RAB40B: variants seen among roughly 807,000 people sequenced by gnomAD.
The protein encoded by RAB40B is ras-related protein Rab-40B.
RAB40B carries 21 observed loss-of-function variants against 24.0 expected under a neutral mutation model. The ratio of observed to expected loss-of-function variants is 0.88; its 90% CI spans 0.62 to 1.26. The LOEUF is 1.26. Among genes scored for constraint, RAB40B ranks in the 50% most tolerant of loss-of-function variants. The pLI is 0.00. For missense variants in RAB40B, 348 were observed against 390.5 expected, an observed-to-expected ratio of 0.89 and a Z score of 0.92; for synonymous variants, 167 against 169.8, an observed-to-expected ratio of 0.98 and a Z score of 0.13.
intron 3 of RAB40B, 55 bp from the exon 4 acceptor site, chr17:82,659,712 G>T: frequency 7.1e-7 from 1 of 1,416,940 alleles, no homozygotes; most frequent in Non-Finnish European, 1.0e-6. Flanking sequence ...GCACAGCTGT[G>T]GCCATGCACG....
intron 1 of RAB40B, among the ~76,000 whole-genome samples, chr17:82,690,629 A>T (rs1198385692): frequency 7.3e-6 from 1 of 137,130 alleles, no homozygotes; most frequent in African/African-American, 2.8e-5. Flanking sequence ...TGGAGGGAGC[A>T]TGGAGTGTGC....
In RAB40B at chr17:82,675,392, C is replaced by T. The variant is rs534030437; in HGVS notation, c.143-10836G>A. Among the ~76,000 whole-genome samples the T allele has an allele frequency of 1.3e-5, 2 of 152,308 alleles. No individual in the cohort carries two copies. The highest frequency in any genetic ancestry group is 3.9e-4 in the East Asian group (2 of 5,190). On this transcript the variant is annotated intron_variant, in intron 1 of 5. Coordinates refer to ENST00000571995, the MANE Select transcript of RAB40B (RefSeq NM_006822.3). This position sits in a 1 kb window ranked among gnomAD's most constrained non-coding sequence, Gnocchi z 4.5. ...GCCGCCTGTCTGACGTGGTCTCCAC[C>T]AAGCGCTGGCTTCCTTCACAGCAGC...
chr17:82,675,096 C>A lies in RAB40B; in HGVS notation c.143-10540G>T, dbSNP rs1338501428. Among the ~76,000 whole-genome samples the A allele has an allele frequency of 6.6e-6, 1 of 152,274 alleles. No individual in the cohort carries two copies. The highest frequency in any genetic ancestry group is 6.5e-5 in the Admixed American group (1 of 15,298). ...AGAGAGAGAGAGAAAACATCTGACA[C>A]CCCCTAAACTGGGAAAAGCTACAAA... On this transcript the variant is annotated intron_variant, in intron 1 of 5. Transcript: ENST00000571995. The surrounding 1 kb of genome is among the most constrained non-coding windows in gnomAD (Gnocchi z 4.5).
chr17:82,698,101 TCGGGAGGAGC>T (rs1435189684), intron 1 of RAB40B, among the ~76,000 whole-genome samples: 3 of 151,108 alleles, frequency 2.0e-5, no homozygotes, highest in African/African-American at 7.3e-5. Context: ...CGGCCCCAGG[TCGGGAGGAGC>T]CCAGCGCCCG....
chr17:82,661,746 A>G (rs2143455987), intron 2 of RAB40B: 1 of 214,996 alleles, frequency 4.7e-6, no homozygotes, highest in South Asian at 1.7e-4. Context: ...AATTAGCTGG[A>G]CATGGTGGTG....
Position 82,657,441 on chromosome 17 carries a change from A to G in RAB40B, c.*422T>C. The G allele has an allele frequency of 3.0e-6, 1 of 328,752 alleles. No individual in the cohort carries two copies. The highest frequency in any genetic ancestry group is 5.9e-6 in the Non-Finnish European group (1 of 170,232). 20.4% of individuals were successfully genotyped at this position (328,752 alleles called of 1,614,324 possible). The stretch of plus-strand genomic sequence containing the variant: ...CTTTGACATTGAAAAGGAGGTTTAC[A>G]AAAAGACCCCTCTCGTAATATCAGT... On this transcript the variant is annotated 3_prime_UTR_variant, in exon 6 of 6. Transcript: ENST00000571995.
chr17:82,659,579 C>G lies in RAB40B; in HGVS notation c.342+1G>C. On this transcript the variant is annotated splice_donor_variant, in intron 4 of 5. Coordinates refer to ENST00000571995, the MANE Select transcript of RAB40B (RefSeq NM_006822.3). LOFTEE classifies it high-confidence loss of function. ...TGGGCAGTGGCATTTCTACAACATA[C>G]CTCATCGATCTCCTTAATCCATCGA... 6.2e-7 allele frequency: 1 copy of G among 1,614,084 alleles called. No individual in the cohort carries two copies. Among genetic ancestry groups the G allele is most frequent in the Non-Finnish European group, 8.5e-7 (1 of 1,179,950 alleles).
chr17:82,670,879 C>T (rs1040329005), intron 1 of RAB40B, among the ~76,000 whole-genome samples: 1 of 152,006 alleles, frequency 6.6e-6, no homozygotes, highest in Non-Finnish European at 1.5e-5. Flanking sequence ...AACCATCTTT[C>T]GTTTCTGTTT....
intron 2 of RAB40B, among the ~76,000 whole-genome samples, chr17:82,661,726 A>G (rs2046174926): frequency 6.6e-6 from 1 of 152,106 alleles, no homozygotes; most frequent in Non-Finnish European, 1.5e-5. Context: ...GTCTCTACTA[A>G]AAATACAAAA....
Position 82,657,807 on chromosome 17 carries a change from G to C in RAB40B, c.*56C>G, listed in dbSNP as rs765475581. 6.3e-7 allele frequency: 1 copy of C among 1,594,400 alleles called. No homozygotes were observed. Among genetic ancestry groups the C allele is most frequent in the Non-Finnish European group, 8.6e-7 (1 of 1,162,574 alleles). On this transcript the variant is annotated 3_prime_UTR_variant, in exon 6 of 6. Coordinates refer to ENST00000571995, the MANE Select transcript of RAB40B (RefSeq NM_006822.3). ...CTGAGATGCATCCACCAGCTGCCGG[G>C]GGTAACGCCGAGCTTCTCCTGGAGA... is the stretch of plus-strand genomic sequence containing the variant.
intron 1 of RAB40B, chr17:82,665,043 A>G (rs1568032920): frequency 6.1e-6 from 1 of 162,840 alleles, no homozygotes; most frequent in Non-Finnish European, 1.4e-5. Flanking sequence ...AGGAAAGTAC[A>G]GTAAAGACAG....
At position 82,657,829 on chromosome 17, in the gene RAB40B, G is replaced by A. The variant is rs1218279261; in HGVS notation, c.*34C>T. ...CGGGGGTAACGCCGAGCTTCTCCTG[G>A]AGAGATTCCGCCGTGTTTCTTTCAG... On this transcript the variant is annotated 3_prime_UTR_variant, in exon 6 of 6. Transcript: ENST00000571995. The A allele has an allele frequency of 1.2e-6, 2 of 1,608,538 alleles. No homozygotes were observed. The highest frequency in any genetic ancestry group is 3.4e-5 in the Admixed American group (2 of 59,684).
chr17:82,693,620 T>C (rs557857673), intron 1 of RAB40B, among the ~76,000 whole-genome samples: 83 of 152,190 alleles, frequency 5.5e-4, no homozygotes, highest in African/African-American at 2.0e-3. Flanking sequence ...GAACAAACCA[T>C]AATAGTCAGA....
At chr17:82,678,283 A>T (rs1221598096) in intron 1 of RAB40B, among the ~76,000 whole-genome samples, 1 of 152,222 alleles carries the variant, frequency 6.6e-6, no homozygotes, top group African/African-American at 2.4e-5. Context: ...AGCTCACTGC[A>T]CTTAGCTGAT....
intron 1 of RAB40B, among the ~76,000 whole-genome samples, chr17:82,669,805 G>A (rs983339635): frequency 9.9e-5 from 15 of 152,172 alleles, no homozygotes; most frequent in African/African-American, 3.6e-4. Context: ...ACCCTACTAA[G>A]CTCTCGGGAA....
At chr17:82,694,308 T>A (rs2046587165) in intron 1 of RAB40B, among the ~76,000 whole-genome samples, 1 of 151,400 alleles carries the variant, frequency 6.6e-6, no homozygotes, top group Non-Finnish European at 1.5e-5. Context: ...GCTAAGCAGA[T>A]CACCTGAGGT....
intron 1 of RAB40B, among the ~76,000 whole-genome samples, chr17:82,684,680 C>T (rs1258398012): frequency 1.3e-5 from 2 of 152,146 alleles, no homozygotes; most frequent in African/African-American, 4.8e-5. Flanking sequence ...GGTTCAAAGG[C>T]CTCCGGGATG....
intron 1 of RAB40B, among the ~76,000 whole-genome samples, chr17:82,676,578 C>T (rs2046396977): frequency 6.6e-6 from 1 of 152,022 alleles, no homozygotes; most frequent in African/African-American, 2.4e-5. Context: ...TGTTTTGAGG[C>T]TTACCCCCGC....
At position 82,675,442 on chromosome 17, in the gene RAB40B, T is replaced by G. The variant is rs2046385722; in HGVS notation, c.143-10886A>C. Among the ~76,000 whole-genome samples, 1 of 152,232 alleles carries G rather than the reference T, an allele frequency of 6.6e-6. No individual in the cohort carries two copies. On this transcript the variant is annotated intron_variant, in intron 1 of 5. Transcript: ENST00000571995. The surrounding 1 kb of genome is among the most constrained non-coding windows in gnomAD (Gnocchi z 4.5). ...CACTTGGCCCTTCTCCCGAATCTAT[T>G]CTGCTCCCGTGGATGGCACTCCCTT...
Sources: gnomAD v4.1 joint callset for allele counts (sites outside exome capture counted in the v4.1 genomes callset) on GRCh38, gnomAD v4.1.1 for gene constraint, Gnocchi (gnomAD v3.1) non-coding constraint, MANE v1.5 for transcripts, NCBI Gene and HGNC (gene_info 2026-07-23, HGNC 2026-07-21) for gene names.